Variants in CHCHD3 observed in about 807,000 individuals in gnomAD.
The protein encoded by CHCHD3 is coiled-coil-helix-coiled-coil-helix domain containing 3.
A neutral mutation model predicts 38.2 loss-of-function variants in CHCHD3; 20 were observed. That is an observed-to-expected ratio of 0.52 (90% CI 0.37 to 0.76). The LOEUF is 0.76. Ranked by LOEUF, CHCHD3 falls within the 30% of genes least tolerant of loss-of-function variation. The probability of loss-of-function intolerance (pLI) is 0.00; values close to 1 mark genes in which losing one functional copy is unlikely to be tolerated. For synonymous variants in CHCHD3, 82 were observed against 100.0 expected (o/e 0.82, Z 1.07); for missense variants, 245 against 279.2 (o/e 0.88, Z 0.87).
chr7:132,871,984 T>C lies in CHCHD3; in HGVS notation c.453+13678A>G, dbSNP rs1562891652. On this transcript the variant is annotated intron_variant, in intron 5 of 7. Coordinates refer to ENST00000262570, the MANE Select transcript of CHCHD3 (RefSeq NM_017812.4). ...GATGCCCAACACAGGCAGAGCAATC[T>C]GCAGAGAGAACGCAAGCATGGAGAT... 2.6e-5 allele frequency among the ~76,000 whole-genome samples: 4 copies of C among 152,326 alleles called. No homozygotes were observed. The South Asian group carries it at 8.3e-4, about 32-fold the overall frequency.
intron 2 of CHCHD3, among the ~76,000 whole-genome samples, chr7:133,043,120 A>C (rs1813877787): frequency 6.6e-6 from 1 of 152,196 alleles, no homozygotes; most frequent in Non-Finnish European, 1.5e-5. Context: ...CGCCTGCCTC[A>C]GCTTCCCAAA....
At chr7:133,024,922 T>C (rs922379654) in intron 2 of CHCHD3, among the ~76,000 whole-genome samples, 2 of 152,166 alleles carry the variant, frequency 1.3e-5, no homozygotes, top group African/African-American at 4.8e-5. Flanking sequence ...GGACCAATTC[T>C]TTAAGATGAT....
At chr7:132,832,148 C>T (rs1336772847) in intron 6 of CHCHD3, among the ~76,000 whole-genome samples, 2 of 152,118 alleles carry the variant, frequency 1.3e-5, no homozygotes, top group Admixed American at 6.6e-5. Flanking sequence ...TTTACAAAAT[C>T]CATTTTATCT....
intron 7 of CHCHD3, among the ~76,000 whole-genome samples, chr7:132,790,720 G>T (rs1397909599): frequency 2.0e-5 from 3 of 152,090 alleles, no homozygotes; most frequent in Admixed American, 2.0e-4. Context: ...GATTATCTTC[G>T]TGCTCTCTGA....
At chr7:132,992,863 T>G (rs1385450203) in intron 3 of CHCHD3, among the ~76,000 whole-genome samples, 1 of 152,192 alleles carries the variant, frequency 6.6e-6, no homozygotes, top group East Asian at 1.9e-4. Flanking sequence ...TAAAAATAAC[T>G]GGTGTGTTTG....
At chr7:132,895,375 G>A (rs143281254) in intron 4 of CHCHD3, among the ~76,000 whole-genome samples, 8 of 152,310 alleles carry the variant, frequency 5.3e-5, no homozygotes, top group South Asian at 2.1e-4. Flanking sequence ...CCTCTAATCC[G>A]TACAGCCCAG....
chr7:132,887,678 CA>C (rs982300953), intron 4 of CHCHD3, among the ~76,000 whole-genome samples: 44 of 150,284 alleles, frequency 2.9e-4, no homozygotes, highest in African/African-American at 1.0e-3. Flanking sequence ...ACGAAAAATA[CA>C]AATAATAAAC....
intron 4 of CHCHD3, among the ~76,000 whole-genome samples, chr7:132,948,723 C>T (rs1810963484): frequency 6.6e-6 from 1 of 152,108 alleles, no homozygotes; most frequent in Non-Finnish European, 1.5e-5. Flanking sequence ...GACTTTTTCA[C>T]AGCCAAAACT....
chr7:132,877,321 C>A (rs1203156213), intron 5 of CHCHD3, among the ~76,000 whole-genome samples: 1 of 151,994 alleles, frequency 6.6e-6, no homozygotes, highest in Non-Finnish European at 1.5e-5. Context: ...AGGATAAGAC[C>A]CCCATATCCT....
chr7:132,950,563 C>G (rs1225211668), intron 4 of CHCHD3, among the ~76,000 whole-genome samples: 1 of 152,132 alleles, frequency 6.6e-6, no homozygotes, highest in Non-Finnish European at 1.5e-5. Flanking sequence ...AGACAGCCAA[C>G]GGGCCATCCA....
chr7:132,932,558 C>G (rs144833622), intron 4 of CHCHD3, among the ~76,000 whole-genome samples: 1 of 152,226 alleles, frequency 6.6e-6, no homozygotes, highest in African/African-American at 2.4e-5. Context: ...TCTGAGGCTG[C>G]CGTCTCCCAC....
chr7:133,071,143 C>G (rs1287388623), intron 1 of CHCHD3, among the ~76,000 whole-genome samples: 3 of 152,176 alleles, frequency 2.0e-5, no homozygotes, highest in Non-Finnish European at 4.4e-5. Context: ...ATCGCGTCAT[C>G]CTTTTTTATT....
chr7:133,020,149 G>A (rs945690777), intron 3 of CHCHD3, among the ~76,000 whole-genome samples: 5 of 152,164 alleles, frequency 3.3e-5, no homozygotes, highest in Non-Finnish European at 7.3e-5. Context: ...GGACATGATT[G>A]TGGAAGCAAA....
At chr7:132,870,308 C>T (rs1290624554) in intron 5 of CHCHD3, among the ~76,000 whole-genome samples, 1 of 149,688 alleles carries the variant, frequency 6.7e-6, no homozygotes, top group Non-Finnish European at 1.5e-5. Context: ...AGAGATCACG[C>T]CACTGTACTC....
At chr7:132,864,621 C>G (rs567836875) in intron 5 of CHCHD3, among the ~76,000 whole-genome samples, 1 of 152,178 alleles carries the variant, frequency 6.6e-6, no homozygotes, top group East Asian at 1.9e-4. Context: ...TGAAGTATGT[C>G]TGTACTGTGA....
At chr7:132,888,512 T>C (rs1809273073) in intron 4 of CHCHD3, among the ~76,000 whole-genome samples, 1 of 151,900 alleles carries the variant, frequency 6.6e-6, no homozygotes, top group Non-Finnish European at 1.5e-5. Context: ...TGTGAATGTG[T>C]GTATAAATCA....
chr7:132,799,740 A>G (rs1468405572), intron 6 of CHCHD3, among the ~76,000 whole-genome samples: 1 of 152,244 alleles, frequency 6.6e-6, no homozygotes, highest in Admixed American at 6.5e-5. Context: ...CAAAAACAAG[A>G]AAAAAAATCC....
At chr7:132,812,931 C>A (rs1241082815) in intron 6 of CHCHD3, among the ~76,000 whole-genome samples, 2 of 152,192 alleles carry the variant, frequency 1.3e-5, no homozygotes, top group Non-Finnish European at 2.9e-5. Context: ...CTAATGCCTA[C>A]TATTTTAGCC....
At chr7:133,076,055 T>C (rs1037079998) in intron 1 of CHCHD3, among the ~76,000 whole-genome samples, 1 of 78,248 alleles carries the variant, frequency 1.3e-5, no homozygotes, top group African/African-American at 5.6e-5. Flanking sequence ...TGAGATTCTA[T>C]CTCAAAAAAA....
Sources: gnomAD v4.1 joint callset for allele counts (sites outside exome capture counted in the v4.1 genomes callset) on GRCh38, gnomAD v4.1.1 for gene constraint, MANE v1.5 for transcripts, NCBI Gene and HGNC (gene_info 2026-07-23, HGNC 2026-07-21) for gene names.